Variants in ATP8A2 observed in about 807,000 individuals in gnomAD.
The protein encoded by ATP8A2 is ATPase phospholipid transporting 8A2.
Under a neutral mutation model 165.6 loss-of-function variants are expected in ATP8A2, and 100 were observed. The ratio of observed to expected loss-of-function variants is 0.60; its 90% CI spans 0.51 to 0.71. The LOEUF is 0.71. ATP8A2 is among the 30% of genes least tolerant of loss of function. The pLI, the probability that ATP8A2 is intolerant of heterozygous loss-of-function variation, is 0.00. For missense variants in ATP8A2, 1,227 were observed against 1,479.5 expected, an observed-to-expected ratio of 0.83 and a Z score of 2.80; for synonymous variants, 543 against 548.8, an observed-to-expected ratio of 0.99 and a Z score of 0.15.
chr13:25,699,073 T>A (rs2042894756), intron 24 of ATP8A2, 100 bp from the exon 25 acceptor site: 1 of 884,850 alleles, frequency 1.1e-6, no homozygotes, highest in South Asian at 2.3e-5. Context: ...TATATTAGAA[T>A]GGGTGTGTTC....
intron 24 of ATP8A2, among the ~76,000 whole-genome samples, chr13:25,687,185 A>G (rs940674351): frequency 3.3e-5 from 5 of 152,122 alleles, no homozygotes; most frequent in African/African-American, 1.2e-4. Flanking sequence ...GATAGTCCCC[A>G]AACAAGGGGT....
At chr13:25,589,763 A>G (rs752803595) in intron 24 of ATP8A2, 64 bp downstream of exon 24, 3 of 961,244 alleles carry the variant, frequency 3.1e-6, no homozygotes, top group African/African-American at 1.6e-5. Context: ...TCTTTCTACT[A>G]TCATTGATAA....
At chr13:25,848,729 C>G (rs1428307300) in intron 30 of ATP8A2, among the ~76,000 whole-genome samples, 2 of 152,096 alleles carry the variant, frequency 1.3e-5, no homozygotes, top group Non-Finnish European at 2.9e-5. Flanking sequence ...TTGTATAAAC[C>G]CTGCTTTTTA....
chr13:26,015,133 C>T (rs1233568809), intron 36 of ATP8A2, among the ~76,000 whole-genome samples: 1 of 150,544 alleles, frequency 6.6e-6, no homozygotes, highest in East Asian at 1.9e-4. Context: ...TTTTGAAGGC[C>T]AAAAAAAAAT....
rs572968301 is a variant in ATP8A2 at position 25,587,140 on chromosome 13, A to G, written c.2147-2495A>G. On this transcript the variant is annotated intron_variant, in intron 23 of 36. Coordinates refer to ENST00000381655, the MANE Select transcript of ATP8A2 (RefSeq NM_016529.6). ...ACATTCTATACCTGGCTCTTCTCCAAGAGTTGATCTCATTTTATCCAAAAA... is the reference window on the plus strand; with the variant it reads ...ACATTCTATACCTGGCTCTTCTCCAGGAGTTGATCTCATTTTATCCAAAAA... Among the ~76,000 whole-genome samples, 15 of 152,348 alleles carry G rather than the reference A, an allele frequency of 9.8e-5. No homozygotes were observed. The South Asian group carries it at 3.1e-3, about 32-fold the overall frequency.
At chr13:25,905,257 T>A (rs1051049620) in intron 33 of ATP8A2, among the ~76,000 whole-genome samples, 27 of 151,958 alleles carry the variant, frequency 1.8e-4, no homozygotes, top group South Asian at 6.2e-4. Flanking sequence ...AAAAAAAAAA[T>A]TTTTAAGGGA....
intron 33 of ATP8A2, among the ~76,000 whole-genome samples, chr13:25,948,316 C>T (rs1165844270): frequency 2.6e-5 from 4 of 152,010 alleles, no homozygotes; most frequent in Non-Finnish European, 4.4e-5. Context: ...TGGTTATAAT[C>T]GATAGTGTAA....
chr13:25,594,033 A>T (rs1321256853), intron 24 of ATP8A2, among the ~76,000 whole-genome samples: 2 of 152,238 alleles, frequency 1.3e-5, no homozygotes, highest in Non-Finnish European at 2.9e-5. Context: ...CAAGATTATT[A>T]TAATTAACCA....
chr13:25,392,490 A>G (rs561455731), intron 1 of ATP8A2, among the ~76,000 whole-genome samples: 1 of 152,346 alleles, frequency 6.6e-6, no homozygotes, highest in South Asian at 2.1e-4. Context: ...GCTCCCTCAC[A>G]CAGACTTCAT....
intron 6 of ATP8A2, among the ~76,000 whole-genome samples, chr13:25,534,850 C>A (rs1337294006): frequency 6.6e-6 from 1 of 152,218 alleles, no homozygotes; most frequent in Admixed American, 6.5e-5. Flanking sequence ...GCTGGGCCCA[C>A]TCCCAGGCTA....
intron 1 of ATP8A2, among the ~76,000 whole-genome samples, chr13:25,390,514 C>G (rs1359864338): frequency 2.0e-5 from 3 of 152,150 alleles, no homozygotes; most frequent in Non-Finnish European, 4.4e-5. Context: ...CTCTCCCAGC[C>G]CCTATTTACC....
Position 25,742,655 on chromosome 13 carries a change from TTCTC to T in ATP8A2, c.2385-26371_2385-26368del, listed in dbSNP as rs10564366. Among the ~76,000 whole-genome samples the T allele has an allele frequency of 7.8e-4, 113 of 144,898 alleles. 1 individual carries two copies. The highest frequency in any genetic ancestry group is 2.2e-3 in the African/African-American group (83 of 38,144). ...CCCCCCCACACACCCCACTCCACTTTTCTCTCTCTCTCTCTCTCTCTCTGTCTTT... is the reference window on the plus strand; with the variant it reads ...CCCCCCCACACACCCCACTCCACTTTTCTCTCTCTCTCTCTCTCTGTCTTT... On this transcript the variant is annotated intron_variant, in intron 25 of 36. Transcript: ENST00000381655.
intron 25 of ATP8A2, among the ~76,000 whole-genome samples, chr13:25,717,949 G>T (rs55710116): frequency 6.6e-6 from 1 of 152,126 alleles, no homozygotes; most frequent in East Asian, 1.9e-4. Flanking sequence ...TGTTTTTTAT[G>T]ATAGTGCTTT....
intron 1 of ATP8A2, among the ~76,000 whole-genome samples, chr13:25,413,818 G>A (rs2034049591): frequency 1.3e-5 from 2 of 152,054 alleles, no homozygotes; most frequent in South Asian, 4.2e-4. Context: ...TTTCAGGAGG[G>A]CTCTTTATTC....
chr13:25,390,651 C>T (rs117754901), intron 1 of ATP8A2, among the ~76,000 whole-genome samples: 1,899 of 152,164 alleles, frequency 0.012, 18 homozygotes, highest in Middle Eastern at 0.044. Context: ...TTCATCCGGC[C>T]AGGTGCAGTG....
rs567806487 is a variant in ATP8A2 at position 25,994,779 on chromosome 13, TA to T, written c.3378-17750del. Among the ~76,000 whole-genome samples, 160 of 152,280 alleles carry T rather than the reference TA, an allele frequency of 1.1e-3. 1 individual carries two copies. The highest frequency in any genetic ancestry group is 3.8e-3 in the African/African-American group (156 of 41,582). ...TTATATGTTGATGAATTGCACTTAC[TA>T]ATGTCAGGTTTTTTTGCATCTATGT... On this transcript the variant is annotated intron_variant, in intron 35 of 36. Coordinates refer to ENST00000381655, the MANE Select transcript of ATP8A2 (RefSeq NM_016529.6).
chr13:25,735,767 C>T (rs2043754263), intron 25 of ATP8A2, among the ~76,000 whole-genome samples: 1 of 152,156 alleles, frequency 6.6e-6, no homozygotes, highest in South Asian at 2.1e-4. Context: ...CACTTGGTGA[C>T]GTCGTAGCTG....
At chr13:25,557,468 G>A (rs770623227) in intron 13 of ATP8A2, among the ~76,000 whole-genome samples, 2 of 152,070 alleles carry the variant, frequency 1.3e-5, no homozygotes, top group South Asian at 4.1e-4. Flanking sequence ...GTGCATATCA[G>A]GCTAAATTTG....
intron 1 of ATP8A2, among the ~76,000 whole-genome samples, chr13:25,438,464 C>G (rs1032119333): frequency 4.6e-5 from 7 of 151,924 alleles, no homozygotes. Flanking sequence ...GCAACAGAGA[C>G]CTGCATCTCT....
Sources: allele counts gnomAD v4.1 joint callset (sites outside exome capture counted in the v4.1 genomes callset), GRCh38; gene constraint gnomAD v4.1.1; transcripts MANE v1.5; gene names NCBI Gene and HGNC (gene_info 2026-07-23, HGNC 2026-07-21).